Variants in NUP98 observed in about 807,000 individuals in gnomAD.
The protein encoded by NUP98 is nucleoporin 98 and 96 precursor, also known as nuclear pore complex protein Nup98-Nup96.
Under a neutral mutation model 191.9 loss-of-function variants are expected in NUP98, and 26 were observed. That is an observed-to-expected ratio of 0.14 (90% CI 0.10 to 0.19). The LOEUF (loss-of-function observed/expected upper bound fraction) is 0.19, where lower values mean the gene tolerates loss of function less well. NUP98 is among the 10% of genes least tolerant of loss of function. The pLI is 1.00. For missense variants in NUP98, 1,941 were observed against 2,178.8 expected (o/e 0.89, Z 2.17); for synonymous variants, 808 against 778.4 (o/e 1.04, Z -0.63).
chr11:3,763,954 T>C (rs142491543), intron 8 of NUP98, among the ~76,000 whole-genome samples: 255 of 152,352 alleles, frequency 1.7e-3, no homozygotes, highest in Admixed American at 2.5e-3. Context: ...ATTGTGCTAA[T>C]AGACTTGCTG....
At chr11:3,734,030 TC>T (rs2079948790) in intron 13 of NUP98, among the ~76,000 whole-genome samples, 1 of 151,364 alleles carries the variant, frequency 6.6e-6, no homozygotes, top group Admixed American at 6.6e-5. Flanking sequence ...CATAGTAAGA[TC>T]CCATTTCTCT....
intron 13 of NUP98, among the ~76,000 whole-genome samples, chr11:3,734,788 T>G (rs2079981521): frequency 2.0e-5 from 3 of 152,126 alleles, no homozygotes. Context: ...AGAATAGGGC[T>G]GGGCATGGTG....
chr11:3,741,999 T>C (rs1217216560), intron 12 of NUP98, among the ~76,000 whole-genome samples: 1 of 151,992 alleles, frequency 6.6e-6, no homozygotes, highest in Non-Finnish European at 1.5e-5. Context: ...ATTCAGAAAA[T>C]AAATAAAGAG....
In NUP98 at chr11:3,731,561, A is replaced by C. The variant is rs2079854881; in HGVS notation, c.1560T>G (p.Asn520Lys). 6.4e-6 allele frequency: 10 copies of C among 1,560,638 alleles called. No individual in the cohort carries two copies. Among genetic ancestry groups the C allele is most frequent in the Non-Finnish European group, 6.9e-6 (8 of 1,152,998 alleles). The stretch of plus-strand genomic sequence containing the variant: ...TAGTAAGAGCCTTCTGGGCTGCTGG[A>C]TTTGTTGGTTTCAATCTCTGAAAAA... The part of the protein sequence containing the change: ...KKKEERLKPT[N>K]PAAQKALTTP... The change falls in exon 14 of 33, where the codon AAT becomes AAG. Residue 520 changes from asparagine (N) to lysine (K), a missense_variant. By Grantham distance (94) the Asn-to-Lys change is moderately conservative. Transcript: ENST00000324932.
intron 11 of NUP98, among the ~76,000 whole-genome samples, chr11:3,750,413 A>G (rs936094418): frequency 2.6e-5 from 4 of 152,204 alleles, no homozygotes; most frequent in African/African-American, 9.7e-5. Flanking sequence ...GCGTTTTTCA[A>G]AATGAGATTG....
At chr11:3,767,499 G>A (rs139217412) in intron 8 of NUP98, among the ~76,000 whole-genome samples, 3,675 of 144,962 alleles carry the variant, frequency 0.025, 82 homozygotes, top group Non-Finnish European at 0.04. Flanking sequence ...GCCTGGCTAA[G>A]TTTTGTATTT....
intron 12 of NUP98, among the ~76,000 whole-genome samples, chr11:3,742,554 A>T (rs1224786025): frequency 2.0e-5 from 3 of 151,930 alleles, no homozygotes; most frequent in Non-Finnish European, 4.4e-5. Context: ...TACAAAAATT[A>T]TATGCGTGGT....
intron 1 of NUP98, among the ~76,000 whole-genome samples, chr11:3,786,362 G>C (rs1413306721): frequency 6.6e-6 from 1 of 152,134 alleles, no homozygotes; most frequent in Non-Finnish European, 1.5e-5. Context: ...ATGGAGTAAG[G>C]ATAATTTATA....
chr11:3,764,755 T>C (rs1359065474), intron 8 of NUP98, among the ~76,000 whole-genome samples: 1 of 152,206 alleles, frequency 6.6e-6, no homozygotes, highest in African/African-American at 2.4e-5. Flanking sequence ...ATTTTTTGTA[T>C]TTTTAGTAGA....
intron 30 of NUP98, among the ~76,000 whole-genome samples, chr11:3,682,770 C>T (rs1003337618): frequency 3.3e-5 from 5 of 152,180 alleles, no homozygotes; most frequent in Non-Finnish European, 5.9e-5. Flanking sequence ...AATATACTTG[C>T]TCTGTGCAGT....
At chr11:3,703,795 T>G (rs1028547363) in intron 22 of NUP98, among the ~76,000 whole-genome samples, 3 of 152,212 alleles carry the variant, frequency 2.0e-5, no homozygotes, top group African/African-American at 4.8e-5. Flanking sequence ...ATTGTACATG[T>G]GACCTTCTGA....
intron 27 of NUP98, chr11:3,692,958 G>T (rs2078365541): frequency 3.2e-6 from 1 of 317,166 alleles, no homozygotes; most frequent in Admixed American, 4.6e-5. Context: ...CCAAATCTGA[G>T]GTCAGGCTGT....
intron 10 of NUP98, among the ~76,000 whole-genome samples, chr11:3,756,581 C>T (rs1333784939): frequency 1.3e-5 from 2 of 151,308 alleles, no homozygotes; most frequent in East Asian, 4.0e-4. Flanking sequence ...CACCACCATG[C>T]CCAGCTAATT....
Position 3,723,201 on chromosome 11 carries a change from T to C in NUP98, c.2102A>G (p.Asp701Gly), listed in dbSNP as rs2079472447. 6.2e-7 allele frequency: 1 copy of C among 1,614,052 alleles called. No individual in the cohort carries two copies. Among genetic ancestry groups the C allele is most frequent in the Non-Finnish European group, 8.5e-7 (1 of 1,180,030 alleles). The change falls in exon 16 of 33, where the codon GAC becomes GGC. Residue 701 changes from aspartate to glycine, a missense_variant. By Grantham distance (94) the Asp-to-Gly change is moderately conservative. This residue lies in a region of NUP98 where 453 missense variants were observed against 438.2 expected (regional missense o/e 1.03). Transcript: ENST00000324932. ...TSFHDESLQD[D>G]REEIENNSYH... ...AGAATTATTTTCTATTTCTTCTCGG[T>C]CATCCTGAAGTGACTCATCATGAAA...
At chr11:3,770,966 G>A (rs1484420206) in intron 7 of NUP98, among the ~76,000 whole-genome samples, 4 of 152,080 alleles carry the variant, frequency 2.6e-5, no homozygotes, top group Non-Finnish European at 4.4e-5. Context: ...AGGTTCAAGC[G>A]ATTCTCCTGC....
At chr11:3,761,879 G>A (rs150855942) in intron 9 of NUP98, among the ~76,000 whole-genome samples, 7,821 of 152,190 alleles carry the variant, frequency 0.051, 263 homozygotes, top group Middle Eastern at 0.099. Flanking sequence ...GGGAGGGAGA[G>A]GTTGCAGTGA....
At chr11:3,749,630 AT>A (rs2080664486) in intron 11 of NUP98, among the ~76,000 whole-genome samples, 1 of 152,156 alleles carries the variant, frequency 6.6e-6, no homozygotes, top group South Asian at 2.1e-4. Context: ...CTCTAAATAA[AT>A]AAATAAATAA....
At chr11:3,695,324 C>T in intron 26 of NUP98, 125 bp downstream of exon 26, 6 of 820,884 alleles carry the variant, frequency 7.3e-6, no homozygotes, top group South Asian at 6.8e-5. Context: ...TGAAAATTGT[C>T]CAATGTGTAA....
chr11:3,716,354 G>GT (rs1012964702), intron 18 of NUP98, among the ~76,000 whole-genome samples: 7 of 147,798 alleles, frequency 4.7e-5, no homozygotes, highest in Admixed American at 6.7e-5. Context: ...TTTTTTTTTA[G>GT]TTTTTTTTAT....
Sources: allele counts gnomAD v4.1 joint callset (sites outside exome capture counted in the v4.1 genomes callset), GRCh38; gene constraint gnomAD v4.1.1; regional missense constraint gnomAD v4.1.1; transcripts MANE v1.5; gene names NCBI Gene and HGNC (gene_info 2026-07-23, HGNC 2026-07-21).